TAFA1: variants seen among roughly 807,000 people sequenced by gnomAD.
The protein encoded by TAFA1 is chemokine-like protein TAFA-1.
Under a neutral mutation model 18.5 loss-of-function variants are expected in TAFA1, and 4 were observed. That is an observed-to-expected ratio of 0.22 (90% CI 0.11 to 0.49). TAFA1 has a LOEUF of 0.49. Ranked by LOEUF, TAFA1 falls within the 20% of genes least tolerant of loss-of-function variation. TAFA1 has a pLI of 0.98. For synonymous variants in TAFA1, 56 were observed against 55.2 expected (o/e 1.01, Z -0.06); for missense variants, 147 against 169.0 (o/e 0.87, Z 0.72).
At chr3:68,507,607 T>C (rs2072780858) in intron 3 of TAFA1, among the ~76,000 whole-genome samples, 1 of 152,118 alleles carries the variant, frequency 6.6e-6, no homozygotes, top group Non-Finnish European at 1.5e-5. Flanking sequence ...ATTTTTAGGC[T>C]CTAAAGTTGT....
intron 2 of TAFA1, among the ~76,000 whole-genome samples, chr3:68,065,915 T>C (rs1220827769): frequency 6.6e-6 from 1 of 152,010 alleles, no homozygotes; most frequent in Non-Finnish European, 1.5e-5. Context: ...TGCTCAGCAA[T>C]AAAAACTAAT....
intron 3 of TAFA1, among the ~76,000 whole-genome samples, chr3:68,444,369 C>T (rs1356358548): frequency 1.3e-5 from 2 of 152,158 alleles, no homozygotes; most frequent in South Asian, 2.1e-4. Flanking sequence ...CTCAAGTCTT[C>T]TTCTTTTTCT....
At chr3:68,499,710 A>C (rs1216121081) in intron 3 of TAFA1, among the ~76,000 whole-genome samples, 1 of 151,952 alleles carries the variant, frequency 6.6e-6, no homozygotes, top group Non-Finnish European at 1.5e-5. Context: ...TAGTAGCAGA[A>C]ATAAACGTAT....
chr3:68,399,636 A>G (rs2070450220), intron 2 of TAFA1, among the ~76,000 whole-genome samples: 1 of 152,120 alleles, frequency 6.6e-6, no homozygotes, highest in South Asian at 2.1e-4. Flanking sequence ...ATAATAATGG[A>G]TATATATTAA....
At chr3:68,488,649 A>G (rs537253898) in intron 3 of TAFA1, among the ~76,000 whole-genome samples, 4 of 152,316 alleles carry the variant, frequency 2.6e-5, no homozygotes, top group South Asian at 2.1e-4. Flanking sequence ...CATAATGGCA[A>G]TAAGATACCT....
chr3:68,177,338 A>G (rs573218077), intron 2 of TAFA1, among the ~76,000 whole-genome samples: 8 of 152,276 alleles, frequency 5.3e-5, no homozygotes, highest in Admixed American at 3.3e-4. Context: ...ACTGAGATTC[A>G]CACTTGACTT....
chr3:68,141,339 C>T (rs2065664942), intron 2 of TAFA1, among the ~76,000 whole-genome samples: 1 of 152,202 alleles, frequency 6.6e-6, no homozygotes, highest in Non-Finnish European at 1.5e-5. Context: ...AATATACTCA[C>T]AGTTCCAGGC....
chr3:68,240,578 A>G (rs138499709), intron 2 of TAFA1, among the ~76,000 whole-genome samples: 64 of 152,264 alleles, frequency 4.2e-4, no homozygotes, highest in African/African-American at 1.5e-3. Context: ...ACCTTTGACT[A>G]TACAGTGACC....
intron 3 of TAFA1, among the ~76,000 whole-genome samples, chr3:68,499,325 C>T (rs898690300): frequency 3.3e-5 from 5 of 151,288 alleles, no homozygotes; most frequent in African/African-American, 9.7e-5. Context: ...CCTGCCATTG[C>T]CAAAATGGCA....
intron 2 of TAFA1, among the ~76,000 whole-genome samples, chr3:68,389,389 T>C (rs1416552565): frequency 6.6e-6 from 1 of 152,190 alleles, no homozygotes; most frequent in African/African-American, 2.4e-5. Flanking sequence ...TCCCATTTTT[T>C]CTATTATGAA....
At chr3:68,193,465 C>A (rs1369736603) in intron 2 of TAFA1, among the ~76,000 whole-genome samples, 1 of 151,654 alleles carries the variant, frequency 6.6e-6, no homozygotes, top group African/African-American at 2.4e-5. Flanking sequence ...AACAAGAAAA[C>A]AGAAAAGTCA....
intron 2 of TAFA1, among the ~76,000 whole-genome samples, chr3:68,091,937 G>T (rs1431414751): frequency 6.6e-6 from 1 of 152,082 alleles, no homozygotes; most frequent in Non-Finnish European, 1.5e-5. Context: ...TTTTCACCTT[G>T]TCCTGTGTTT....
chr3:68,520,344 T>G (rs1206139803), intron 3 of TAFA1, among the ~76,000 whole-genome samples: 2 of 152,186 alleles, frequency 1.3e-5, no homozygotes, highest in Admixed American at 6.5e-5. Flanking sequence ...TAAATAAATA[T>G]TAGAAGCCTT....
At chr3:68,510,215 C>T (rs147151275) in intron 3 of TAFA1, among the ~76,000 whole-genome samples, 1 of 152,242 alleles carries the variant, frequency 6.6e-6, no homozygotes, top group East Asian at 1.9e-4. Context: ...TACCCCTCAC[C>T]TCTGCTACCT....
At chr3:68,090,491 G>GT (rs1553640332) in intron 2 of TAFA1, among the ~76,000 whole-genome samples, 1 of 152,244 alleles carries the variant, frequency 6.6e-6, no homozygotes, top group Non-Finnish European at 1.5e-5. Context: ...AGCCAGTGCT[G>GT]TTTTTTCTGC....
chr3:68,280,714 G>A (rs2067883464), intron 2 of TAFA1, among the ~76,000 whole-genome samples: 1 of 152,036 alleles, frequency 6.6e-6, no homozygotes, highest in Non-Finnish European at 1.5e-5. Flanking sequence ...AAAAATTTGG[G>A]TCACGGGACT....
chr3:68,149,895 C>T (rs910091603), intron 2 of TAFA1, among the ~76,000 whole-genome samples: 2 of 152,134 alleles, frequency 1.3e-5, no homozygotes, highest in Non-Finnish European at 2.9e-5. Context: ...AAGTTAGAGG[C>T]ATAGGAGATG....
chr3:68,386,037 C>G (rs1362017180), intron 2 of TAFA1, among the ~76,000 whole-genome samples: 1 of 152,044 alleles, frequency 6.6e-6, no homozygotes, highest in Non-Finnish European at 1.5e-5. Flanking sequence ...TTACAAGTAG[C>G]CACAGAGTTC....
At chr3:68,444,801 TATATATATATAA>T (rs1273392217) in intron 3 of TAFA1, among the ~76,000 whole-genome samples, 7 of 65,696 alleles carry the variant, frequency 1.1e-4, no homozygotes, top group East Asian at 5.8e-4. Flanking sequence ...TATATATATA[TATATATATATAA>T]AATAAATTAA....
Sources: allele counts gnomAD v4.1 joint callset (sites outside exome capture counted in the v4.1 genomes callset), GRCh38; gene constraint gnomAD v4.1.1; transcripts MANE v1.5; gene names NCBI Gene and HGNC (gene_info 2026-07-23, HGNC 2026-07-21).